The following OTOP3 variants were observed in gnomAD, a reference collection of about 807,000 sequenced individuals.
OTOP3 encodes otopetrin 3.
Under a neutral mutation model 50.8 loss-of-function variants are expected in OTOP3, and 41 were observed. The ratio of observed to expected loss-of-function variants is 0.81; its 90% CI spans 0.63 to 1.05. The LOEUF is 1.05. OTOP3 is among the 50% of genes least tolerant of loss of function. The pLI is 0.00. For missense variants in OTOP3, 788 were observed against 760.8 expected (o/e 1.04, Z -0.42); for synonymous variants, 320 against 324.4 (o/e 0.99, Z 0.14).
Position 74,949,330 on chromosome 17 carries a change from G to T in OTOP3, c.1651G>T (p.Ala551Ser). The change falls in exon 7 of 7, where the codon GCC (alanine) becomes TCC (serine). Residue 551 changes from alanine to serine, a missense_variant. By Grantham distance (99) the Ala-to-Ser change is moderately conservative (BLOSUM62 1). Coordinates refer to ENST00000328801, the MANE Select transcript of OTOP3 (RefSeq NM_001272005.2). ...KDFYGYQIWF[A>S]IVNFGLPLGV... ...TTTCTACGGCTACCAGATATGGTTC[G>T]CCATCGTCAACTTCGGCCTGCCTCT... 1 of 1,614,020 alleles carries T rather than the reference G, an allele frequency of 6.2e-7. No individual in the cohort carries two copies.
At position 74,941,784 on chromosome 17, in the gene OTOP3, C is replaced by T. The variant is rs746400646; in HGVS notation, c.411C>T (p.Pro137=). Residue 137 remains proline, a synonymous_variant, in exon 2 of 7, where the codon CCC becomes CCT. Transcript: ENST00000328801. ...CACACGCCGTGCTCTACCAAGATCC[C>T]CACGCGGGGCCCCTCTGGGTGCGGG... ...RRPHAVLYQD[P]HAGPLWVRGS... 4.0e-5 allele frequency: 65 copies of T among 1,612,012 alleles called. No individual in the cohort carries two copies. The highest frequency in any genetic ancestry group is 1.6e-4 in the Middle Eastern group (1 of 6,078).
chr17:74,935,843 G>C (rs990588386), upstream of OTOP3: 2 of 1,531,080 alleles, frequency 1.3e-6, no homozygotes, highest in East Asian at 2.5e-5. Context: ...AGTCCCGCTG[G>C]GGGAGGGCGT....
At chr17:74,944,473 A>G (rs2039207120) in intron 5 of OTOP3, among the ~76,000 whole-genome samples, 2 of 152,218 alleles carry the variant, frequency 1.3e-5, no homozygotes, top group Admixed American at 6.5e-5. Context: ...AAAATAATTC[A>G]GGGCTGGGCA....
Position 74,941,945 on chromosome 17 carries a change from T to A in OTOP3, c.481T>A (p.Phe161Ile). ...FGSCTFCLNI[F>I]RVGYDVSHIR... ...CAGCTGCACCTTCTGCCTCAACATC[T>A]TCCGAGTGGGCTACGATGTGAGCCA... The change falls in exon 3 of 7, where the codon TTC becomes ATC. Residue 161 changes from phenylalanine (F) to isoleucine (I), a missense_variant. Physicochemically the swap from Phe to Ile is conservative, Grantham distance 21. Coordinates refer to ENST00000328801, the MANE Select transcript of OTOP3 (RefSeq NM_001272005.2). The A allele has an allele frequency of 6.2e-7, 1 of 1,613,024 alleles. No homozygotes were observed. The highest frequency in any genetic ancestry group is 8.5e-7 in the Non-Finnish European group (1 of 1,179,364).
In OTOP3 at chr17:74,941,507, C is replaced by T. The variant is rs762486784; in HGVS notation, c.134C>T (p.Pro45Leu). Residue 45 changes from proline to leucine, a missense_variant, in exon 2 of 7, where the codon CCC (proline) becomes CTC (leucine). Physicochemically the swap from Pro to Leu is moderately conservative, Grantham distance 98. Transcript: ENST00000328801. ...GAGGAGAGAGCGGCCGCCACCCGGC[C>T]CCGGCAGAAGTCCTGGCTGGTGAGG... ...GAEERAAATR[P>L]RQKSWLVRHF... 5 of 1,613,474 alleles carry T rather than the reference C, an allele frequency of 3.1e-6. No individual in the cohort carries two copies. Among genetic ancestry groups the T allele is most frequent in the Non-Finnish European group, 3.4e-6 (4 of 1,179,556 alleles).
In OTOP3 at chr17:74,943,304, C is replaced by T; in HGVS notation, c.592C>T (p.His198Tyr). The change falls in exon 4 of 7, where the codon CAC becomes TAC. Residue 198 changes from histidine to tyrosine, a missense_variant. By Grantham distance (83) the His-to-Tyr change is moderately conservative. Transcript: ENST00000328801. ...IGVQTWVLWK[H>Y]CKDCVRVQTN... ...CTTTCAGACCTGGGTGCTCTGGAAA[C>T]ACTGCAAAGACTGTGTTCGGGTCCA... 1 of 1,614,212 alleles carries T rather than the reference C, an allele frequency of 6.2e-7. No homozygotes were observed. Among genetic ancestry groups the T allele is most frequent in the Non-Finnish European group, 8.5e-7 (1 of 1,180,046 alleles).
intron 1 of OTOP3, among the ~76,000 whole-genome samples, chr17:74,938,516 G>A (rs866401132): frequency 6.6e-6 from 1 of 152,140 alleles, no homozygotes; most frequent in Non-Finnish European, 1.5e-5. Flanking sequence ...GGCATTAAAG[G>A]CAAAGAATAG....
At chr17:74,936,961 C>CTTTTTTTTTTTTTTT (rs1191319023) in intron 1 of OTOP3, among the ~76,000 whole-genome samples, 1 of 101,308 alleles carries the variant, frequency 9.9e-6, no homozygotes, top group Non-Finnish European at 2.0e-5. Context: ...CCCCCCCACC[C>CTTTTTTTTTTTTTTT]TTTTTTTTTT....
intron 4 of OTOP3, 53 bp downstream of exon 4, chr17:74,943,397 T>G: frequency 6.3e-7 from 1 of 1,578,204 alleles, no homozygotes; most frequent in Admixed American, 1.7e-5. Context: ...TCCCCACCAC[T>G]TCCCTGGTCA....
chr17:74,941,107 C>G (rs2039166853), intron 1 of OTOP3, among the ~76,000 whole-genome samples: 1 of 152,202 alleles, frequency 6.6e-6, no homozygotes, highest in South Asian at 2.1e-4. Flanking sequence ...GGATCAGGCA[C>G]AAGTCAGGAA....
intron 1 of OTOP3, among the ~76,000 whole-genome samples, chr17:74,940,102 C>G (rs2039155996): frequency 7.9e-6 from 1 of 125,858 alleles, no homozygotes; most frequent in African/African-American, 3.4e-5. Flanking sequence ...CACACACACA[C>G]ACACACACAC....
intron 3 of OTOP3, 40 bp from the exon 4 acceptor site, chr17:74,943,246 C>A: frequency 1.3e-6 from 2 of 1,595,044 alleles, no homozygotes; most frequent in Non-Finnish European, 1.7e-6. Context: ...GGTCCCACCA[C>A]CTCCACCAGC....
chr17:74,949,736 C>T lies in OTOP3; in HGVS notation c.*320C>T. On this transcript the variant is annotated 3_prime_UTR_variant, in exon 7 of 7. Coordinates refer to ENST00000328801, the MANE Select transcript of OTOP3 (RefSeq NM_001272005.2). ...CCTCACGGCTACTCTGTGGGAGGGTCAGACCTACATGACCGAGTCTGGGGA... is the reference window on the plus strand; with the variant it reads ...CCTCACGGCTACTCTGTGGGAGGGTTAGACCTACATGACCGAGTCTGGGGA... 3.2e-6 allele frequency: 1 copy of T among 309,256 alleles called. No homozygotes were observed. The highest frequency in any genetic ancestry group is 6.5e-5 in the East Asian group (1 of 15,394). 19.2% of individuals were successfully genotyped at this position (309,256 alleles called of 1,614,324 possible).
chr17:74,940,904 A>C (rs1457596660), intron 1 of OTOP3, among the ~76,000 whole-genome samples: 1 of 152,164 alleles, frequency 6.6e-6, no homozygotes, highest in Admixed American at 6.5e-5. Context: ...CAGCCTCAGG[A>C]TGCTTCTCTA....
chr17:74,938,453 C>A (rs368805251), intron 1 of OTOP3, among the ~76,000 whole-genome samples: 3 of 152,234 alleles, frequency 2.0e-5, no homozygotes, highest in East Asian at 3.9e-4. Flanking sequence ...GAGGCAGGGT[C>A]TCTGCCGAGT....
intron 1 of OTOP3, among the ~76,000 whole-genome samples, chr17:74,940,978 G>T (rs115453904): frequency 6.6e-6 from 1 of 152,116 alleles, no homozygotes; most frequent in Non-Finnish European, 1.5e-5. Flanking sequence ...CCACCAATTT[G>T]CCCTCCCTGG....
intron 6 of OTOP3, among the ~76,000 whole-genome samples, chr17:74,948,530 C>T (rs2039250607): frequency 6.6e-6 from 1 of 152,116 alleles, no homozygotes; most frequent in East Asian, 1.9e-4. Flanking sequence ...CATGGTGGTG[C>T]ACACCTGTAA....
At chr17:74,948,920 G>A (rs1013593964) in intron 6 of OTOP3, among the ~76,000 whole-genome samples, 1 of 152,214 alleles carries the variant, frequency 6.6e-6, no homozygotes, top group South Asian at 2.1e-4. Flanking sequence ...GGGGTGCCCA[G>A]CTTGACAGAG....
At chr17:74,936,615 T>C (rs548209748) in intron 1 of OTOP3, among the ~76,000 whole-genome samples, 6 of 152,102 alleles carry the variant, frequency 3.9e-5, no homozygotes, top group Non-Finnish European at 5.9e-5. Flanking sequence ...TTCGCTCCTT[T>C]GAAGGCTCAC....
Sources: gnomAD v4.1 joint callset for allele counts (sites outside exome capture counted in the v4.1 genomes callset) on GRCh38, gnomAD v4.1.1 for gene constraint, MANE v1.5 for transcripts, NCBI Gene and HGNC (gene_info 2026-07-23, HGNC 2026-07-21) for gene names.